SLCO2A1: variants seen among roughly 807,000 people sequenced by gnomAD.
The protein encoded by SLCO2A1 is solute carrier organic anion transporter family member 2A1.
SLCO2A1 carries 60 observed loss-of-function variants against 71.7 expected under a neutral mutation model. That is an observed-to-expected ratio of 0.84 (90% CI 0.68 to 1.04). The LOEUF (loss-of-function observed/expected upper bound fraction) is 1.04, where lower values mean the gene tolerates loss of function less well. SLCO2A1 is among the 50% of genes least tolerant of loss of function. The pLI, the probability that SLCO2A1 is intolerant of heterozygous loss-of-function variation, is 0.00. For missense variants in SLCO2A1, 745 were observed against 813.4 expected (o/e 0.92, Z 1.02); for synonymous variants, 308 against 326.7 (o/e 0.94, Z 0.62).
chr3:134,024,736 C>T (rs114395861), intron 1 of SLCO2A1, among the ~76,000 whole-genome samples: 3,021 of 152,232 alleles, frequency 0.02, 83 homozygotes, highest in African/African-American at 0.061. Flanking sequence ...TGAATATAAA[C>T]GCTCCCCATG....
In SLCO2A1 at chr3:133,982,472, A is replaced by G. The variant is rs1269974241; in HGVS notation, c.97-2854T>C. 1.2e-4 allele frequency among the ~76,000 whole-genome samples: 19 copies of G among 152,090 alleles called. 1 individual carries two copies. The East Asian group carries it at 3.3e-3, about 26-fold the overall frequency. ...GTCTGCTAGACGTATCCACCTGGAC[A>G]CTCCTAGGCCCCTCAAACTAATCAC... On this transcript the variant is annotated intron_variant, in intron 1 of 13. Coordinates refer to ENST00000310926, the MANE Select transcript of SLCO2A1 (RefSeq NM_005630.3).
At chr3:134,010,460 G>A (rs777740249) in intron 1 of SLCO2A1, among the ~76,000 whole-genome samples, 11 of 151,916 alleles carry the variant, frequency 7.2e-5, no homozygotes, top group Non-Finnish European at 1.5e-4. Context: ...CACCTCAAAA[G>A]CATCAGATCT....
At chr3:134,001,575 C>T (rs763571195) in intron 1 of SLCO2A1, among the ~76,000 whole-genome samples, 6 of 152,158 alleles carry the variant, frequency 3.9e-5, no homozygotes, top group Non-Finnish European at 8.8e-5. Flanking sequence ...TGTTTGCCTT[C>T]CCCCTCTCTC....
chr3:134,009,868 G>A (rs1206750547), intron 1 of SLCO2A1, among the ~76,000 whole-genome samples: 2 of 152,278 alleles, frequency 1.3e-5, no homozygotes, highest in East Asian at 3.9e-4. Context: ...CTTAAGACGG[G>A]GACTCCCAGA....
Position 133,934,664 on chromosome 3 carries a change from G to C in SLCO2A1, c.*49C>G. 1 of 1,282,170 alleles carries C rather than the reference G, an allele frequency of 7.8e-7. No individual in the cohort carries two copies. The highest frequency in any genetic ancestry group is 1.7e-5 in the Admixed American group (1 of 58,672). The allele number at this position is 1,282,170 out of a possible 1,614,324, so 79.4% of individuals were successfully genotyped here. A position where few individuals can be genotyped will look rare whatever the true frequency, so the allele number is the denominator to read the frequency against. On this transcript the variant is annotated 3_prime_UTR_variant, in exon 14 of 14. Coordinates refer to ENST00000310926, the MANE Select transcript of SLCO2A1 (RefSeq NM_005630.3). ...ACATTAGTGAGTATAGGCAGGTGTGGAAGAGTCAAGGTCCACTCTCTGGAG... is the reference window on the plus strand; with the variant it reads ...ACATTAGTGAGTATAGGCAGGTGTGCAAGAGTCAAGGTCCACTCTCTGGAG...
At chr3:134,011,452 T>C (rs2108074810) in intron 1 of SLCO2A1, among the ~76,000 whole-genome samples, 1 of 152,334 alleles carries the variant, frequency 6.6e-6, no homozygotes, top group East Asian at 1.9e-4. Context: ...GAGGACGATC[T>C]CAGCTGTGCG....
At chr3:134,006,976 A>T in intron 1 of SLCO2A1, among the ~76,000 whole-genome samples, 1 of 152,208 alleles carries the variant, frequency 6.6e-6, no homozygotes, top group Non-Finnish European at 1.5e-5. Context: ...TCCATCCTCA[A>T]AAACACTTGT....
chr3:134,017,483 T>G (rs947409995), intron 1 of SLCO2A1, among the ~76,000 whole-genome samples: 1 of 152,192 alleles, frequency 6.6e-6, no homozygotes, highest in African/African-American at 2.4e-5. Flanking sequence ...TGTGTCTTCA[T>G]GTCCTTCCTC....
intron 1 of SLCO2A1, among the ~76,000 whole-genome samples, chr3:133,985,209 A>G (rs1280093050): frequency 6.6e-6 from 1 of 152,236 alleles, no homozygotes; most frequent in East Asian, 1.9e-4. Flanking sequence ...GAGAAAACAA[A>G]TTGGAAAACA....
At position 133,947,296 on chromosome 3, in the gene SLCO2A1, C is replaced by T. The variant is rs543216737; in HGVS notation, c.1255G>A (p.Gly419Arg). 1 of 1,614,038 alleles carries T rather than the reference C, an allele frequency of 6.2e-7. No individual in the cohort carries two copies. The highest frequency in any genetic ancestry group is 8.5e-7 in the Non-Finnish European group (1 of 1,180,026). ...TCGGCCACAGTTGGGGTGGAGCATC[C>T]CATGAAGAACAAAGGAACACAAAGG... Reference protein sequence around the residue: ...MILCVPLFFMGCSTPTVAEVY... With the variant: ...MILCVPLFFMRCSTPTVAEVY... Residue 419 changes from glycine (G) to arginine (R), a missense_variant, in exon 9 of 14, where the codon GGA becomes AGA. Gly to Arg is a moderately radical substitution (Grantham distance 125). Transcript: ENST00000310926.
At position 133,942,733 on chromosome 3, in the gene SLCO2A1, G is replaced by A. The variant is rs142933499; in HGVS notation, c.1497C>T (p.Ser499=). Residue 499 remains serine (S), a synonymous_variant, in exon 11 of 14, where the codon TCC becomes TCT. Transcript: ENST00000310926. ...GGCACGATCCTGTCTTTGCTGAAGC[G>A]GATCCCCCGGTCACACAGCTGCAGT... ...YLNCSCVTGG[S]ASAKTGSCPV... 96 of 1,610,242 alleles carry A rather than the reference G, an allele frequency of 6.0e-5. No homozygotes were observed. The highest frequency in any genetic ancestry group is 5.0e-4 in the Middle Eastern group (3 of 6,036).
Position 133,948,517 on chromosome 3 carries a change from C to A in SLCO2A1, c.1105+19G>T. 6.2e-7 allele frequency: 1 copy of A among 1,607,768 alleles called. No homozygotes were observed. Among genetic ancestry groups the A allele is most frequent in the Non-Finnish European group, 8.5e-7 (1 of 1,176,882 alleles). ...GCCCAGGCAAGCCCTGCGGATCCTG[C>A]AGCACCCTCTGGGCTCACCAATGAG... On this transcript the variant is annotated intron_variant, in intron 8 of 13. Coordinates refer to ENST00000310926, the MANE Select transcript of SLCO2A1 (RefSeq NM_005630.3).
intron 1 of SLCO2A1, among the ~76,000 whole-genome samples, chr3:133,981,743 G>C (rs1467320131): frequency 2.0e-5 from 3 of 152,162 alleles, no homozygotes; most frequent in Admixed American, 6.5e-5. Flanking sequence ...TTGGGACTTC[G>C]AAGCAGGCGG....
chr3:134,006,389 T>G (rs561620102), intron 1 of SLCO2A1, among the ~76,000 whole-genome samples: 1 of 152,258 alleles, frequency 6.6e-6, no homozygotes, highest in East Asian at 1.9e-4. Context: ...CATTCACGTG[T>G]TGCGCGACCA....
At chr3:133,979,054 C>T (rs1934523341) in intron 2 of SLCO2A1, among the ~76,000 whole-genome samples, 1 of 152,200 alleles carries the variant, frequency 6.6e-6, no homozygotes, top group Admixed American at 6.5e-5. Context: ...GGCTTATCCT[C>T]TCTAGACTAT....
intron 3 of SLCO2A1, among the ~76,000 whole-genome samples, chr3:133,971,135 G>A (rs905611840): frequency 6.6e-6 from 1 of 152,252 alleles, no homozygotes; most frequent in Admixed American, 6.5e-5. Flanking sequence ...CCTCCCCTCG[G>A]CCTGGCCACA....
chr3:134,016,236 T>C (rs769611645), intron 1 of SLCO2A1, among the ~76,000 whole-genome samples: 1 of 151,926 alleles, frequency 6.6e-6, no homozygotes, highest in Non-Finnish European at 1.5e-5. Flanking sequence ...GTTAAGAGGA[T>C]GAAAAAATAA....
intron 2 of SLCO2A1, among the ~76,000 whole-genome samples, chr3:133,975,594 G>A (rs922991209): frequency 3.3e-5 from 5 of 152,082 alleles, no homozygotes; most frequent in African/African-American, 4.8e-5. Context: ...AGAGCCTCCC[G>A]AGTCCTACAC....
rs1933194893 is a variant in SLCO2A1 at position 133,933,601 on chromosome 3, G to A, written c.*1112C>T. On this transcript the variant is annotated 3_prime_UTR_variant, in exon 14 of 14. Coordinates refer to ENST00000310926, the MANE Select transcript of SLCO2A1 (RefSeq NM_005630.3). ...GGCAGTGAGAAGAGGCTGAGAAAATGGGAATGGTATGAGCATGTCTGAAAC... is the reference window on the plus strand; with the variant it reads ...GGCAGTGAGAAGAGGCTGAGAAAATAGGAATGGTATGAGCATGTCTGAAAC... 1 of 152,254 alleles carries A rather than the reference G, an allele frequency of 6.6e-6. No homozygotes were observed. The highest frequency in any genetic ancestry group is 2.4e-5 in the African/African-American group (1 of 41,444). 9.4% of individuals were successfully genotyped at this position (152,254 alleles called of 1,614,324 possible).
Sources: gnomAD v4.1 joint callset for allele counts (sites outside exome capture counted in the v4.1 genomes callset) on GRCh38, gnomAD v4.1.1 for gene constraint, MANE v1.5 for transcripts, NCBI Gene and HGNC (gene_info 2026-07-23, HGNC 2026-07-21) for gene names.